Variants in GDA observed in about 807,000 individuals in gnomAD.
GDA encodes the protein cytoplasmic PSD-95 interactor.
GDA carries 18 observed loss-of-function variants against 59.6 expected under a neutral mutation model. The ratio of observed to expected loss-of-function variants is 0.30; its 90% confidence interval spans 0.21 to 0.45. GDA has a LOEUF of 0.45. Ranked by LOEUF, GDA falls within the 20% of genes least tolerant of loss-of-function variation. The pLI, the probability that GDA is intolerant of heterozygous loss-of-function variation, is 1.00. For synonymous variants in GDA, 201 were observed against 201.1 expected (o/e 1.00, Z 0.00); for missense variants, 427 against 552.3 (o/e 0.77, Z 2.27).
intron 1 of GDA, among the ~76,000 whole-genome samples, chr9:72,180,756 A>T (rs1831091946): frequency 6.6e-6 from 1 of 152,148 alleles, no homozygotes; most frequent in South Asian, 2.1e-4. Flanking sequence ...GCATCAGAGG[A>T]TTCTGAATTT....
At chr9:72,133,310 AT>A (rs1232504490) in intron 1 of GDA, among the ~76,000 whole-genome samples, 520 of 123,396 alleles carry the variant, frequency 4.2e-3, no homozygotes, top group African/African-American at 0.014. Context: ...AAAAAAAAAA[AT>A]AATAATAATA....
intron 10 of GDA, among the ~76,000 whole-genome samples, chr9:72,234,741 A>G (rs1838760991): frequency 6.6e-6 from 1 of 152,240 alleles, no homozygotes; most frequent in African/African-American, 2.4e-5. Context: ...TTGTGACAAA[A>G]TATTTTAATT....
chr9:72,124,159 TA>T lies in GDA; in HGVS notation c.-100+9327del, dbSNP rs199795433. Among the ~76,000 whole-genome samples, 654 of 152,340 alleles carry T rather than the reference TA, an allele frequency of 4.3e-3. 4 individuals carry two copies. The highest frequency in any genetic ancestry group is 0.015 in the African/African-American group (625 of 41,580). ...GGAAAAGAAAAGAACTTTTCCAGGC[TA>T]TATAGTGGAAACCACCTATGCCCTT... On this transcript the variant is annotated intron_variant, in intron 1 of 13. Transcript: ENST00000545168.
intron 1 of GDA, among the ~76,000 whole-genome samples, chr9:72,125,041 G>C (rs566514835): frequency 1.2e-4 from 18 of 152,292 alleles, no homozygotes; most frequent in African/African-American, 3.8e-4. Context: ...TTGAATCCTG[G>C]ATGATTTGGG....
intron 4 of GDA, among the ~76,000 whole-genome samples, chr9:72,212,941 A>G (rs1051134211): frequency 5.9e-5 from 9 of 152,140 alleles, no homozygotes; most frequent in Non-Finnish European, 1.0e-4. Flanking sequence ...AAATATAGAC[A>G]CACTGGATAA....
chr9:72,173,159 T>C (rs1830163741), intron 1 of GDA, among the ~76,000 whole-genome samples: 1 of 152,170 alleles, frequency 6.6e-6, no homozygotes, highest in Non-Finnish European at 1.5e-5. Flanking sequence ...TACAGTCTCC[T>C]GGAAGCTCTA....
chr9:72,142,848 A>T (rs1486329366), intron 1 of GDA, among the ~76,000 whole-genome samples: 2 of 151,464 alleles, frequency 1.3e-5, no homozygotes, highest in Non-Finnish European at 2.9e-5. Context: ...GGCTCACTGC[A>T]ACCTCTGCCT....
chr9:72,204,117 G>A (rs139796748), intron 3 of GDA, among the ~76,000 whole-genome samples: 75 of 152,130 alleles, frequency 4.9e-4, no homozygotes, highest in African/African-American at 1.8e-3. Context: ...GCCCGGCCGA[G>A]CAAGTGCTAA....
At chr9:72,136,977 C>T (rs543034290) in intron 1 of GDA, among the ~76,000 whole-genome samples, 9 of 150,562 alleles carry the variant, frequency 6.0e-5, no homozygotes, top group African/African-American at 1.5e-4. Context: ...GGTGAGACTC[C>T]GTCTCAAAAA....
intron 1 of GDA, among the ~76,000 whole-genome samples, chr9:72,187,713 A>G (rs1832025943): frequency 1.3e-5 from 2 of 152,228 alleles, no homozygotes; most frequent in South Asian, 4.1e-4. Context: ...TGGAGCATTG[A>G]AAGTGATTCT....
intron 3 of GDA, among the ~76,000 whole-genome samples, chr9:72,205,029 C>T (rs542537655): frequency 5.4e-5 from 8 of 147,768 alleles, no homozygotes; most frequent in Non-Finnish European, 1.2e-4. Flanking sequence ...TGAGAATCGC[C>T]TGAACCCGGA....
rs1050584573 is a variant in GDA, at chr9:72,172,606, G to T, written c.124-22894G>T. On this transcript the variant is annotated intron_variant, in intron 1 of 13. Transcript: ENST00000358399. ...GTTAGAGTAAAGGCTGGGGTTTAGG[G>T]TTTGCGCTAGGACCTCCTCTCTAAC... Among the ~76,000 whole-genome samples the T allele has an allele frequency of 8.5e-5, 13 of 152,256 alleles. No individual in the cohort carries two copies. In the East Asian group the frequency reaches 2.5e-3, roughly 29 times the overall value.
At chr9:72,137,242 CTTTTTTTTTT>C (rs143364725) in intron 1 of GDA, among the ~76,000 whole-genome samples, 3 of 84,506 alleles carry the variant, frequency 3.6e-5, no homozygotes, top group Admixed American at 1.9e-4. Flanking sequence ...TTCTTTTTTT[CTTTTTTTTTT>C]TTTTTTTTTT....
chr9:72,213,541 C>A (rs184393076), intron 4 of GDA, among the ~76,000 whole-genome samples: 1 of 151,992 alleles, frequency 6.6e-6, no homozygotes, highest in Non-Finnish European at 1.5e-5. Flanking sequence ...CGGTGGCTCA[C>A]GCCTGTAATC....
At chr9:72,187,224 A>C (rs1225931442) in intron 1 of GDA, among the ~76,000 whole-genome samples, 1 of 152,230 alleles carries the variant, frequency 6.6e-6, no homozygotes, top group Admixed American at 6.5e-5. Flanking sequence ...TCAGAAACTC[A>C]TGTTGAAACT....
intron 1 of GDA, among the ~76,000 whole-genome samples, chr9:72,133,158 T>G (rs1418590975): frequency 6.6e-6 from 1 of 151,498 alleles, no homozygotes; most frequent in Non-Finnish European, 1.5e-5. Flanking sequence ...GCCATGGTAG[T>G]GCATGCCTGT....
At chr9:72,254,377 G>A (rs577906214), downstream of GDA, among the ~76,000 whole-genome samples, 1 of 151,902 alleles carries the variant, frequency 6.6e-6, no homozygotes, top group African/African-American at 2.4e-5. Context: ...CAAAAACTTT[G>A]TTGGGAAATT....
intron 1 of GDA, among the ~76,000 whole-genome samples, chr9:72,172,004 C>T (rs1830027630): frequency 6.6e-6 from 1 of 152,150 alleles, no homozygotes; most frequent in South Asian, 2.1e-4. Flanking sequence ...ATACATGCTA[C>T]ATGAGTTGAT....
At chr9:72,208,185 A>C (rs940737800) in intron 3 of GDA, among the ~76,000 whole-genome samples, 1 of 152,182 alleles carries the variant, frequency 6.6e-6, no homozygotes, top group South Asian at 2.1e-4. Context: ...CGGCATGTTC[A>C]TTTCTATTAT....
Sources: allele counts gnomAD v4.1 joint callset (sites outside exome capture counted in the v4.1 genomes callset), GRCh38; gene constraint gnomAD v4.1.1; transcripts MANE v1.5; gene names NCBI Gene and HGNC (gene_info 2026-07-23, HGNC 2026-07-21).